The following METTL22 variants were observed in gnomAD, a reference collection of about 807,000 sequenced individuals.
The protein encoded by METTL22 is methyltransferase 22, Kin17 lysine.
A neutral mutation model predicts 48.4 loss-of-function variants in METTL22; 51 were observed. That is an observed-to-expected ratio of 1.05 (90% CI 0.84 to 1.33). METTL22 has a LOEUF of 1.33. Ranked by LOEUF, METTL22 falls within the 40% of genes most tolerant of loss-of-function variation. The probability of loss-of-function intolerance (pLI) is 0.00; values close to 1 mark genes in which losing one functional copy is unlikely to be tolerated. For missense variants in METTL22, 678 were observed against 526.9 expected (o/e 1.29, Z -2.81); for synonymous variants, 255 against 214.1 (o/e 1.19, Z -1.67).
intron 6 of METTL22, among the ~76,000 whole-genome samples, chr16:8,640,911 T>G (rs1286613764): frequency 2.5e-5 from 2 of 79,174 alleles, no homozygotes; most frequent in Non-Finnish European, 5.5e-5. Flanking sequence ...GATGGATGGA[T>G]GGATGGATGG....
At chr16:8,626,679 C>T (rs537243661) in intron 2 of METTL22, among the ~76,000 whole-genome samples, 5 of 150,862 alleles carry the variant, frequency 3.3e-5, no homozygotes, top group African/African-American at 2.4e-5. Context: ...GAACTTCTGA[C>T]CTCAGGTGAT....
the METTL22 span, among the ~76,000 whole-genome samples, chr16:8,661,245 G>A: frequency 6.6e-6 from 1 of 151,910 alleles, no homozygotes; most frequent in African/African-American, 2.4e-5. Context: ...GACTCTCGGG[G>A]GACCCTAACT....
chr16:8,656,388 C>G, the METTL22 span, among the ~76,000 whole-genome samples: 1 of 152,230 alleles, frequency 6.6e-6, no homozygotes, highest in Non-Finnish European at 1.5e-5. Flanking sequence ...CTTTTCCCCA[C>G]TTCCCCCACA....
chr16:8,657,820 C>CTTTTTTTTTTTTTTTTTTTTTTTTTT, the METTL22 span, among the ~76,000 whole-genome samples: 166 of 137,268 alleles, frequency 1.2e-3, 8 homozygotes, highest in African/African-American at 2.1e-3. Context: ...CTTTTCTTTT[C>CTTTTTTTTTTTTTTTTTTTTTTTTTT]TTTCTTTTTT....
At chr16:8,657,175 C>T in the METTL22 span, among the ~76,000 whole-genome samples, 1 of 152,252 alleles carries the variant, frequency 6.6e-6, no homozygotes, top group Non-Finnish European at 1.5e-5. Context: ...CAGGGAGGAT[C>T]GATGTCATTA....
At chr16:8,664,756 T>C in the METTL22 span, among the ~76,000 whole-genome samples, 1 of 152,128 alleles carries the variant, frequency 6.6e-6, no homozygotes, top group Non-Finnish European at 1.5e-5. Context: ...CCACCACGTC[T>C]AGCCCACTCT....
chr16:8,626,446 CTTTTT>C (rs3057578), intron 2 of METTL22, among the ~76,000 whole-genome samples: 3 of 129,494 alleles, frequency 2.3e-5, no homozygotes, highest in Non-Finnish European at 1.6e-5. Context: ...GTCCTCTGCT[CTTTTT>C]TTTTTTTTTT....
intron 2 of METTL22, among the ~76,000 whole-genome samples, chr16:8,627,596 G>A (rs994800281): frequency 5.9e-5 from 9 of 152,156 alleles, no homozygotes; most frequent in Admixed American, 5.2e-4. Context: ...ACTGCAGCCT[G>A]TGAGCCAAAT....
intron 5 of METTL22, among the ~76,000 whole-genome samples, chr16:8,637,588 C>G (rs898526579): frequency 6.6e-6 from 1 of 152,334 alleles, no homozygotes; most frequent in East Asian, 1.9e-4. Flanking sequence ...GAGGCTGGCC[C>G]AAGGTCATCC....
At chr16:8,661,451 C>T in the METTL22 span, among the ~76,000 whole-genome samples, 1 of 145,648 alleles carries the variant, frequency 6.9e-6, no homozygotes, top group Non-Finnish European at 1.5e-5. Flanking sequence ...TCGAGACCAT[C>T]CTGGCTAAAA....
the METTL22 span, among the ~76,000 whole-genome samples, chr16:8,663,638 A>G: frequency 6.6e-6 from 1 of 152,210 alleles, no homozygotes; most frequent in Non-Finnish European, 1.5e-5. Flanking sequence ...CTGACTCTGT[A>G]TCCCTTTTAA....
intron 1 of METTL22, among the ~76,000 whole-genome samples, chr16:8,624,432 T>C (rs2055970035): frequency 6.6e-6 from 1 of 150,394 alleles, no homozygotes; most frequent in Admixed American, 6.7e-5. Context: ...GAGTGCAGAG[T>C]GCAGTGACGC....
At chr16:8,629,306 T>C (rs751102737) in intron 3 of METTL22, among the ~76,000 whole-genome samples, 196 bp downstream of exon 3, 4 of 152,202 alleles carry the variant, frequency 2.6e-5, no homozygotes, top group Non-Finnish European at 2.9e-5. Flanking sequence ...AGCCTCACCC[T>C]GTGCGCTTTC....
At chr16:8,650,451 C>T (rs765484861), downstream of METTL22, among the ~76,000 whole-genome samples, 7 of 152,232 alleles carry the variant, frequency 4.6e-5, no homozygotes, top group Non-Finnish European at 8.8e-5. Context: ...GTTTCCTCAC[C>T]TGTAAAATAG....
the METTL22 span, among the ~76,000 whole-genome samples, chr16:8,660,587 A>C: frequency 6.6e-6 from 1 of 151,888 alleles, no homozygotes; most frequent in Non-Finnish European, 1.5e-5. Flanking sequence ...CTCATTAGTA[A>C]AGTAAATAAG....
downstream of METTL22, among the ~76,000 whole-genome samples, chr16:8,652,822 C>G (rs1193839938): frequency 6.6e-6 from 1 of 152,166 alleles, no homozygotes; most frequent in African/African-American, 2.4e-5. Context: ...GTGATCCACA[C>G]ACAACACACA....
rs1003530309 is a variant in METTL22, at chr16:8,626,930, C to A, written c.133+1132C>A. ...TACAGGCACCCGCCACCACGCCTGG[C>A]TAATTTTTTTGTATTTTTGGTAGAC... On this transcript the variant is annotated intron_variant, in intron 2 of 10. Transcript: ENST00000381920. 2.6e-5 allele frequency among the ~76,000 whole-genome samples: 4 copies of A among 151,914 alleles called. No homozygotes were observed. The South Asian group carries it at 8.3e-4, about 32-fold the overall frequency.
chr16:8,626,445 T>G (rs953490241), intron 2 of METTL22, among the ~76,000 whole-genome samples: 2 of 142,292 alleles, frequency 1.4e-5, no homozygotes, highest in African/African-American at 5.5e-5. Flanking sequence ...TGTCCTCTGC[T>G]CTTTTTTTTT....
At chr16:8,626,825 CAT>C (rs201817154) in intron 2 of METTL22, among the ~76,000 whole-genome samples, 4,316 of 113,182 alleles carry the variant, frequency 0.038, 106 homozygotes, top group Middle Eastern at 0.13. Context: ...AGTGCAGTGG[CAT>C]GCGATCTCGG....
Sources: allele counts gnomAD v4.1 joint callset (sites outside exome capture counted in the v4.1 genomes callset), GRCh38; gene constraint gnomAD v4.1.1; transcripts MANE v1.5; gene names NCBI Gene and HGNC (gene_info 2026-07-23, HGNC 2026-07-21).